Variants in DCAF12 observed in about 807,000 individuals in gnomAD.
The protein encoded by DCAF12 is DDB1- and CUL4-associated factor 12.
In DCAF12, 28 loss-of-function variants were observed where a neutral mutation model predicts 52.8. The observed-to-expected ratio is 0.53, with a 90% CI of 0.39 to 0.73. The LOEUF (loss-of-function observed/expected upper bound fraction) is 0.73. Among genes scored for constraint, DCAF12 ranks in the 30% least tolerant of loss-of-function variants. The pLI is 0.00. For synonymous variants in DCAF12, 196 were observed against 215.5 expected (o/e 0.91, Z 0.79); for missense variants, 425 against 552.2 (o/e 0.77, Z 2.31).
intron 2 of DCAF12, among the ~76,000 whole-genome samples, chr9:34,120,802 C>A (rs185731628): frequency 6.6e-6 from 1 of 151,970 alleles, no homozygotes; most frequent in Non-Finnish European, 1.5e-5. Context: ...GGCCACTCTG[C>A]AACTGTGATA....
At chr9:34,089,774 G>A in intron 7 of DCAF12, 184 bp from the exon 8 acceptor site, 1 of 520,270 alleles carries the variant, frequency 1.9e-6, no homozygotes, top group Non-Finnish European at 3.3e-6. Context: ...AGAGAATCCT[G>A]ATGCCATCCT....
At chr9:34,113,383 G>A (rs13302272) in intron 2 of DCAF12, among the ~76,000 whole-genome samples, 2 of 151,776 alleles carry the variant, frequency 1.3e-5, no homozygotes, top group African/African-American at 4.8e-5. Flanking sequence ...CTGAAACAGA[G>A]TCTAGCTCTG....
intron 2 of DCAF12, chr9:34,109,710 T>C (rs72731212): frequency 0.096 from 20,397 of 212,504 alleles, 1,357 homozygotes; most frequent in Non-Finnish European, 0.13. Flanking sequence ...AGCGGGGGAA[T>C]AGGACCCTGT....
intron 7 of DCAF12, among the ~76,000 whole-genome samples, chr9:34,091,239 A>AT (rs1828639310): frequency 6.6e-6 from 1 of 152,016 alleles, no homozygotes; most frequent in African/African-American, 2.4e-5. Context: ...AGGCAGGAGA[A>AT]TCGCTTGAAC....
At chr9:34,099,284 T>G (rs189104294) in intron 4 of DCAF12, among the ~76,000 whole-genome samples, 2 of 152,304 alleles carry the variant, frequency 1.3e-5, no homozygotes, top group African/African-American at 4.8e-5. Context: ...ATGCCTAGGC[T>G]GGAGTGCAAT....
At chr9:34,098,559 CT>C in intron 4 of DCAF12, 42 bp from the exon 5 acceptor site, 1 of 1,574,076 alleles carries the variant, frequency 6.4e-7, no homozygotes, top group Non-Finnish European at 8.6e-7. Context: ...GTACCCACCC[CT>C]CTATGGGAAA....
chr9:34,111,790 CG>C (rs1158042068), intron 2 of DCAF12, among the ~76,000 whole-genome samples: 4 of 152,078 alleles, frequency 2.6e-5, no homozygotes, highest in Non-Finnish European at 5.9e-5. Flanking sequence ...CCAAACCGCC[CG>C]GGTGGCCACT....
At chr9:34,114,438 C>T (rs369729112) in intron 2 of DCAF12, among the ~76,000 whole-genome samples, 128 of 152,028 alleles carry the variant, frequency 8.4e-4, no homozygotes, top group African/African-American at 3.0e-3. Context: ...AGTGTGCCCC[C>T]AACCTCACCC....
At chr9:34,106,627 T>G in intron 3 of DCAF12, 133 bp from the exon 4 acceptor site, 10 of 677,352 alleles carry the variant, frequency 1.5e-5, no homozygotes, top group East Asian at 3.0e-5. Flanking sequence ...CTCTGATCTC[T>G]GGTGGTCTCA....
At chr9:34,095,271 C>T (rs774384995) in intron 6 of DCAF12, among the ~76,000 whole-genome samples, 41 of 151,128 alleles carry the variant, frequency 2.7e-4, no homozygotes, top group Admixed American at 3.3e-4. Context: ...GACGGGGTTT[C>T]GCCATGTTGG....
rs1042269654 is a variant in DCAF12, at chr9:34,093,179, T to C, written c.1024+107A>G. The C allele has an allele frequency of 1.6e-5, 22 of 1,373,208 alleles. No homozygotes were observed. The African/African-American group carries it at 3.0e-4, about 19-fold the overall frequency. 85.1% of individuals were successfully genotyped at this position (1,373,208 alleles called of 1,614,324 possible). A position where few individuals can be genotyped will look rare whatever the true frequency, so the allele number is the denominator to read the frequency against. On this transcript the variant is annotated intron_variant, in intron 7 of 8. Coordinates refer to ENST00000361264, the MANE Select transcript of DCAF12 (RefSeq NM_015397.4). Reference sequence around the variant, plus strand: ...TCCCCTTTTTGAACACACTTCCAAATGTTCCATACAGAGCACTATACCTGT... The same window carrying C: ...TCCCCTTTTTGAACACACTTCCAAACGTTCCATACAGAGCACTATACCTGT...
At chr9:34,101,128 A>G (rs1229049421) in intron 4 of DCAF12, among the ~76,000 whole-genome samples, 1 of 149,804 alleles carries the variant, frequency 6.7e-6, no homozygotes, top group South Asian at 2.1e-4. Context: ...CTGGAGTGCA[A>G]TAACATGATT....
chr9:34,096,890 G>T, intron 5 of DCAF12, 109 bp from the exon 6 acceptor site: 1 of 913,098 alleles, frequency 1.1e-6, no homozygotes, highest in Non-Finnish European at 1.7e-6. Context: ...GTCTCGTGAT[G>T]ATTCCAGCAG....
At chr9:34,116,235 T>TA (rs1829086409) in intron 2 of DCAF12, among the ~76,000 whole-genome samples, 1 of 152,012 alleles carries the variant, frequency 6.6e-6, no homozygotes, top group Non-Finnish European at 1.5e-5. Context: ...CAGTCGCCTT[T>TA]AATCCCAGTT....
intron 2 of DCAF12, among the ~76,000 whole-genome samples, chr9:34,123,868 G>C (rs751178554): frequency 2.0e-5 from 3 of 152,046 alleles, no homozygotes; most frequent in Non-Finnish European, 2.9e-5. Context: ...ACCAAGAAAA[G>C]GAAGTTCTGT....
At chr9:34,125,932 G>C (rs1287637887) in intron 1 of DCAF12, among the ~76,000 whole-genome samples, 2 of 152,170 alleles carry the variant, frequency 1.3e-5, no homozygotes, top group East Asian at 1.9e-4. Context: ...GCCCAGCTCA[G>C]GGTTGGGTAT....
intron 7 of DCAF12, among the ~76,000 whole-genome samples, chr9:34,091,365 G>A (rs1166525566): frequency 6.6e-6 from 1 of 151,968 alleles, no homozygotes. Flanking sequence ...TGGGCACAGT[G>A]GCTCACGGCT....
At position 34,106,428 on chromosome 9, in the gene DCAF12, C is replaced by T. The variant is rs377329450; in HGVS notation, c.601+6G>A. The T allele has an allele frequency of 6.2e-7, 1 of 1,603,380 alleles. No individual in the cohort carries two copies. Among genetic ancestry groups the T allele is most frequent in the African/African-American group, 1.3e-5 (1 of 74,896 alleles). On this transcript the variant is annotated splice_donor_region_variant and intron_variant, in intron 4 of 8. Coordinates refer to ENST00000361264, the MANE Select transcript of DCAF12 (RefSeq NM_015397.4). ...TCAAAAGCTCCCTATAAAAGGGCAA[C>T]TTTACCAGACACTGCCATAGTGTCG...
At chr9:34,111,551 T>C (rs1323769195) in intron 2 of DCAF12, among the ~76,000 whole-genome samples, 3 of 152,250 alleles carry the variant, frequency 2.0e-5, no homozygotes, top group Non-Finnish European at 4.4e-5. Context: ...CCCCAGCAAC[T>C]ACTTAAGCAT....
Sources: allele counts gnomAD v4.1 joint callset (sites outside exome capture counted in the v4.1 genomes callset), GRCh38; gene constraint gnomAD v4.1.1; transcripts MANE v1.5; gene names NCBI Gene and HGNC (gene_info 2026-07-23, HGNC 2026-07-21).